Variants in SLC45A4 observed in about 807,000 individuals in gnomAD.
SLC45A4 encodes the protein solute carrier family 45 member 4.
In SLC45A4, 32 loss-of-function variants were observed where a neutral mutation model predicts 63.7. That is an observed-to-expected ratio of 0.50 (90% CI 0.38 to 0.67). The LOEUF (loss-of-function observed/expected upper bound fraction) is 0.67, where lower values mean the gene tolerates loss of function less well. Among genes scored for constraint, SLC45A4 ranks in the 30% least tolerant of loss-of-function variants. The pLI, the probability that SLC45A4 is intolerant of heterozygous loss-of-function variation, is 0.00. For synonymous variants in SLC45A4, 535 were observed against 510.0 expected (o/e 1.05, Z -0.66); for missense variants, 1,027 against 1,157.7 (o/e 0.89, Z 1.64).
chr8:141,212,365 T>C lies in SLC45A4; in HGVS notation c.2133A>G (p.Thr711=). ...ACACGTTGGGATAGATCACCAGGAA[T>C]GTGGCCGTCAGGAAGCCCAGGAAAG... ...VGSFLGFLTA[T]FLVIYPNVSE... is the part of the protein sequence containing the mutation. Residue 711 remains threonine (T), a synonymous_variant, in exon 8 of 9, where the codon ACA becomes ACG. Transcript: ENST00000517878. 1.9e-6 allele frequency: 3 copies of C among 1,613,626 alleles called. No individual in the cohort carries two copies. The highest frequency in any genetic ancestry group is 2.5e-6 in the Non-Finnish European group (3 of 1,180,024).
chr8:141,224,439 CTG>C (rs1826852367), intron 2 of SLC45A4: 1 of 137,764 alleles, frequency 7.3e-6, no homozygotes, highest in Non-Finnish European at 1.7e-5. Context: ...TACTTCAAAG[CTG>C]TGAGTTTTTT....
intron 2 of SLC45A4, among the ~76,000 whole-genome samples, chr8:141,223,495 T>C (rs926648316): frequency 2.0e-5 from 3 of 152,228 alleles, no homozygotes; most frequent in Non-Finnish European, 2.9e-5. Context: ...TCCCACCACA[T>C]GCAGACTGTA....
chr8:141,278,582 C>T lies in SLC45A4; in HGVS notation c.-400-23953G>A, dbSNP rs1171971880. Among the ~76,000 whole-genome samples, 2 of 152,252 alleles carry T rather than the reference C, an allele frequency of 1.3e-5. No homozygotes were observed. The highest frequency in any genetic ancestry group is 2.4e-5 in the African/African-American group (1 of 41,502). On this transcript the variant is annotated intron_variant, in intron 1 of 8. Transcript: ENST00000517878. The surrounding 1 kb of genome is among the most constrained non-coding windows in gnomAD (Gnocchi z 4.1). ...CTGCAGTGGAGGTGGGGCGGGCAGC[C>T]GAAGGAGAGACAGGCCTCTGCCCCC...
Position 141,245,696 on chromosome 8 carries a change from C to T in SLC45A4, c.241+8293G>A, listed in dbSNP as rs767381988. 1.2e-4 allele frequency among the ~76,000 whole-genome samples: 18 copies of T among 152,162 alleles called. 1 individual carries two copies. The highest frequency in any genetic ancestry group is 4.1e-4 in the South Asian group (2 of 4,826). On this transcript the variant is annotated intron_variant, in intron 2 of 8. Coordinates refer to ENST00000517878, the MANE Select transcript of SLC45A4 (RefSeq NM_001286646.2). ...GGGACTCACAGACCCTCAGCGTGTC[C>T]CAACCCCAGACCAGCCTTAGGCCCA...
chr8:141,246,944 C>T (rs1021208784), intron 2 of SLC45A4, among the ~76,000 whole-genome samples: 6 of 152,014 alleles, frequency 3.9e-5, no homozygotes, highest in African/African-American at 1.5e-4. Flanking sequence ...CACAGTGAGA[C>T]ACCATCTAAT....
rs865850749 is a variant in SLC45A4, at chr8:141,229,937, C to T, written c.242-8172G>A. The T allele has an allele frequency of 7.3e-5, 30 of 408,360 alleles. No homozygotes were observed. The Middle Eastern group carries it at 4.0e-3, about 55-fold the overall frequency. 25.3% of individuals were successfully genotyped at this position (408,360 alleles called of 1,614,324 possible). A position where few individuals can be genotyped will look rare whatever the true frequency, so the allele number is the denominator to read the frequency against. ...GGAGAACATGGTGCGCACAGCTCAGCGCTGGACACTAGATCCCTGCCTGCA... is the reference window on the plus strand; with the variant it reads ...GGAGAACATGGTGCGCACAGCTCAGTGCTGGACACTAGATCCCTGCCTGCA... On this transcript the variant is annotated intron_variant, in intron 2 of 8. Coordinates refer to ENST00000517878, the MANE Select transcript of SLC45A4 (RefSeq NM_001286646.2). This position sits in a 1 kb window ranked among gnomAD's most constrained non-coding sequence, Gnocchi z 5.0.
In SLC45A4 at chr8:141,210,466, G is replaced by A. The variant is rs868382359; in HGVS notation, c.*1106C>T. 6 of 152,234 alleles carry A rather than the reference G, an allele frequency of 3.9e-5. No individual in the cohort carries two copies. The highest frequency in any genetic ancestry group is 1.2e-4 in the African/African-American group (5 of 41,448). 9.4% of individuals were successfully genotyped at this position (152,234 alleles called of 1,614,324 possible). ...GCCCTCTGCGATCCTGGGACACCGT[G>A]GCCTGGCAGACACACCGTGCGTGAG... On this transcript the variant is annotated 3_prime_UTR_variant, in exon 9 of 9. Coordinates refer to ENST00000517878, the MANE Select transcript of SLC45A4 (RefSeq NM_001286646.2).
chr8:141,255,227 G>C (rs554539862), intron 1 of SLC45A4, among the ~76,000 whole-genome samples: 2 of 152,124 alleles, frequency 1.3e-5, no homozygotes, highest in East Asian at 3.9e-4. Flanking sequence ...GAGTAGCTGC[G>C]ACTACAGGCA....
rs1296825520 is a variant in SLC45A4, at chr8:141,207,492, A to G, written c.*4080T>C. The stretch of plus-strand genomic sequence containing the variant: ...ATGTGTTTAACACACGCTTACCACC[A>G]CTGCTAACTCAGCAAGCGCGATTAC... On this transcript the variant is annotated 3_prime_UTR_variant, in exon 9 of 9. Coordinates refer to ENST00000517878, the MANE Select transcript of SLC45A4 (RefSeq NM_001286646.2). 1 of 152,226 alleles carries G rather than the reference A, an allele frequency of 6.6e-6. No homozygotes were observed. Among genetic ancestry groups the G allele is most frequent in the Non-Finnish European group, 1.5e-5 (1 of 68,040 alleles). The allele number at this position is 152,226 out of a possible 1,614,324, so 9.4% of individuals were successfully genotyped here.
rs572501901 is a variant in SLC45A4, at chr8:141,286,115, G to A, written c.-401+21981C>T. Among the ~76,000 whole-genome samples the A allele has an allele frequency of 1.5e-3, 224 of 152,282 alleles. 2 individuals are homozygous for A. The highest frequency in any genetic ancestry group is 2.7e-3 in the Non-Finnish European group (183 of 68,014). On this transcript the variant is annotated intron_variant, in intron 1 of 8. Coordinates refer to ENST00000517878, the MANE Select transcript of SLC45A4 (RefSeq NM_001286646.2). ...CCCCTCCGCTGGGGACTTCCTGGTCGTGAGCTATGCCCAGAGGAGTCAAAA... is the reference window on the plus strand; with the variant it reads ...CCCCTCCGCTGGGGACTTCCTGGTCATGAGCTATGCCCAGAGGAGTCAAAA...
intron 1 of SLC45A4, among the ~76,000 whole-genome samples, chr8:141,261,415 A>C (rs554092768): frequency 6.6e-6 from 1 of 152,258 alleles, no homozygotes; most frequent in African/African-American, 2.4e-5. Context: ...TTCAATTAGG[A>C]AAAGAGGAAG....
intron 1 of SLC45A4, among the ~76,000 whole-genome samples, chr8:141,281,504 G>A (rs1011560608): frequency 2.0e-5 from 3 of 152,230 alleles, no homozygotes; most frequent in Non-Finnish European, 2.9e-5. Flanking sequence ...CGGACAGAGC[G>A]GTTGCTAATG....
intron 2 of SLC45A4, among the ~76,000 whole-genome samples, chr8:141,234,373 A>G (rs1827514531): frequency 6.6e-6 from 1 of 152,196 alleles, no homozygotes; most frequent in Non-Finnish European, 1.5e-5. Context: ...CCAGGACTGA[A>G]GGGTGCGGGG....
Position 141,256,381 on chromosome 8 carries a change from T to A in SLC45A4, c.-400-1752A>T, listed in dbSNP as rs1828774385. On this transcript the variant is annotated intron_variant, in intron 1 of 8. Coordinates refer to ENST00000517878, the MANE Select transcript of SLC45A4 (RefSeq NM_001286646.2). The surrounding 1 kb of genome is among the most constrained non-coding windows in gnomAD (Gnocchi z 4.3). Reference sequence around the variant, plus strand: ...CAACTGGTTTCAACAAAAATATTTCTCATTACTTTCCACCGAACCAAAGGT... The same window carrying A: ...CAACTGGTTTCAACAAAAATATTTCACATTACTTTCCACCGAACCAAAGGT... The A allele has an allele frequency of 2.8e-6, 1 of 353,152 alleles. No individual in the cohort carries two copies. Among genetic ancestry groups the A allele is most frequent in the African/African-American group, 2.1e-5 (1 of 46,680 alleles). The allele number at this position is 353,152 out of a possible 1,614,324, so 21.9% of individuals were successfully genotyped here. A position where few individuals can be genotyped will look rare whatever the true frequency, so the allele number is the denominator to read the frequency against.
chr8:141,223,211 T>C (rs1404032134), intron 2 of SLC45A4, among the ~76,000 whole-genome samples: 10 of 152,244 alleles, frequency 6.6e-5, no homozygotes, highest in Admixed American at 5.9e-4. Context: ...ACCTTTGCAC[T>C]GCACACAACT....
At position 141,249,465 on chromosome 8, in the gene SLC45A4, G is replaced by C. The variant is rs1828365679; in HGVS notation, c.241+4524C>G. Among the ~76,000 whole-genome samples the C allele has an allele frequency of 1.3e-5, 2 of 152,216 alleles. 1 individual carries two copies. Among genetic ancestry groups the C allele is most frequent in the South Asian group, 4.1e-4 (2 of 4,834 alleles). Reference sequence around the variant, plus strand: ...AAAAGCATTATGCTAAGTGACAAGAGCCAGACCATACGCTGTGTGATTCCA... The same window carrying C: ...AAAAGCATTATGCTAAGTGACAAGACCCAGACCATACGCTGTGTGATTCCA... On this transcript the variant is annotated intron_variant, in intron 2 of 8. Coordinates refer to ENST00000517878, the MANE Select transcript of SLC45A4 (RefSeq NM_001286646.2).
Position 141,212,339 on chromosome 8 carries a change from G to T in SLC45A4, c.2159C>A (p.Ser720Ter). Residue 720 changes from serine (S) to a stop codon, truncating the protein, a stop_gained, in exon 8 of 9, where the codon TCA becomes TAA. Transcript: ENST00000517878. LOFTEE classifies it high-confidence loss of function. ...TTTCTGCTCCTCCTTGGCCTCCTCT[G>T]ACACGTTGGGATAGATCACCAGGAA... is the stretch of plus-strand genomic sequence containing the variant. ...ATFLVIYPNV[S>*]EEAKEEQKGL... 1 of 1,613,372 alleles carries T rather than the reference G, an allele frequency of 6.2e-7. No homozygotes were observed. The highest frequency in any genetic ancestry group is 8.5e-7 in the Non-Finnish European group (1 of 1,179,876).
rs72614016 is a variant in SLC45A4 at position 141,229,855 on chromosome 8, G to C, written c.242-8090C>G. Among the ~76,000 whole-genome samples, 29,007 of 152,072 alleles carry C rather than the reference G, an allele frequency of 0.19. 3,255 individuals carry two copies. The highest frequency in any genetic ancestry group is 0.41 in the East Asian group (2,114 of 5,134). On this transcript the variant is annotated intron_variant, in intron 2 of 8. Transcript: ENST00000517878. The surrounding 1 kb of genome is among the most constrained non-coding windows in gnomAD (Gnocchi z 5.0). ...CTTTGGAGCAGCTTGGGCTTTGAAC[G>C]TGCTGCCCTGCATGTAAAGGGGCAC...
In SLC45A4 at chr8:141,211,612, AAAT is replaced by A. The variant is rs1262814394; in HGVS notation, c.2384_2386del (p.Tyr795del). ...TGTGGAAAAGAAAATTTTTTTTCTA[AAAT>A]AATCATAAAGAAAAATACTCTCCAA... On this transcript the variant is annotated inframe_deletion, in exon 9 of 9. Transcript: ENST00000517878. 8 of 1,612,594 alleles carry A rather than the reference AAAT, an allele frequency of 5.0e-6. No homozygotes were observed. Among genetic ancestry groups the A allele is most frequent in the Non-Finnish European group, 5.1e-6 (6 of 1,179,732 alleles).
Sources: gnomAD v4.1 joint callset for allele counts (sites outside exome capture counted in the v4.1 genomes callset) on GRCh38, gnomAD v4.1.1 for gene constraint, Gnocchi (gnomAD v3.1) non-coding constraint, MANE v1.5 for transcripts, NCBI Gene and HGNC (gene_info 2026-07-23, HGNC 2026-07-21) for gene names.